The following EIF2S3 variants were observed in gnomAD, a reference collection of about 807,000 sequenced individuals.
The protein encoded by EIF2S3 is eukaryotic translation initiation factor 2 subunit gamma.
In EIF2S3, 2 loss-of-function variants were observed where a neutral mutation model predicts 31.7. The ratio of observed to expected loss-of-function variants is 0.06; its 90% CI spans 0.03 to 0.20. EIF2S3 has a LOEUF of 0.20. Ranked by LOEUF, EIF2S3 falls within the 10% of genes least tolerant of loss-of-function variation. The pLI is 1.00. For synonymous variants in EIF2S3, 120 were observed against 126.7 expected, an observed-to-expected ratio of 0.95 and a Z score of 0.36; for missense variants, 96 against 359.3, an observed-to-expected ratio of 0.27 and a Z score of 5.92.
intron 4 of EIF2S3, 129 bp from the exon 5 acceptor site, chrX:24,059,959 C>T (rs369512704): frequency 4.1e-6 from 2 of 482,293 alleles, no homozygotes; most frequent in Non-Finnish European, 6.9e-6. Flanking sequence ...GTTCTAGAAA[C>T]GACAAGCCCT....
intron 9 of EIF2S3, among the ~76,000 whole-genome samples, chrX:24,071,277 G>A (rs1358263599): frequency 9.3e-6 from 1 of 107,159 alleles, no homozygotes; most frequent in Admixed American, 1.0e-4. Flanking sequence ...TACAACCTCT[G>A]CCTCCTGGGT....
In EIF2S3 at chrX:24,073,033, C is replaced by A. The variant is rs889458446; in HGVS notation, c.1183-58C>A. The A allele has an allele frequency of 3.6e-6, 4 of 1,119,519 alleles. No individual in the cohort carries two copies. In the Admixed American group the frequency reaches 1.1e-4, roughly 30 times the overall value. The allele number at this position is 1,119,519 out of a possible 1,213,427, so 92.3% of individuals were successfully genotyped here. The stretch of plus-strand genomic sequence containing the variant: ...ATAGTATTTGGTAAATTCTTACTTA[C>A]ATTTGGAAAGCATTTTCTTGATTTT... On this transcript the variant is annotated intron_variant, in intron 10 of 11. Coordinates refer to ENST00000253039, the MANE Select transcript of EIF2S3 (RefSeq NM_001415.4).
Position 24,055,006 on chromosome X carries a change from C to T in EIF2S3, c.38C>T (p.Pro13Leu), listed in dbSNP as rs748080181. 2 of 1,211,043 alleles carry T rather than the reference C, an allele frequency of 1.7e-6. No homozygotes were observed. The highest frequency in any genetic ancestry group is 5.9e-5 in the East Asian group (2 of 33,815). ...GAAGCTGGAGTGACTCTAGGGCAGCCGCATCTTTCGCGTCAGGATCTCACC... is the reference window on the plus strand; with the variant it reads ...GAAGCTGGAGTGACTCTAGGGCAGCTGCATCTTTCGCGTCAGGATCTCACC... ...GGEAGVTLGQPHLSRQDLTTL... is the reference protein window; with the variant it reads ...GGEAGVTLGQLHLSRQDLTTL... The change falls in exon 1 of 12, where the codon CCG (proline) becomes CTG (leucine). Residue 13 changes from proline to leucine, a missense_variant. Physicochemically the swap from Pro to Leu is moderately conservative, Grantham distance 98. Around this residue, in one of 5 missense-constraint regions of EIF2S3, gnomAD observed 27 missense variants for 21.3 expected, o/e 1.27. Transcript: ENST00000253039.
rs746321081 is a variant in EIF2S3 at position 24,057,766 on chromosome X, T to G, written c.383+12T>G. 1 of 1,200,734 alleles carries G rather than the reference T, an allele frequency of 8.3e-7. No homozygotes were observed. On this transcript the variant is annotated intron_variant, in intron 4 of 11. Coordinates refer to ENST00000253039, the MANE Select transcript of EIF2S3 (RefSeq NM_001415.4). ...TTCAAATTAGTCAGGTGACCTCTCT[T>G]TTGCTACAAACACTACACTTTATAT...
chrX:24,058,753 G>A (rs989055638), intron 4 of EIF2S3, among the ~76,000 whole-genome samples: 6 of 108,231 alleles, frequency 5.5e-5, no homozygotes, highest in Admixed American at 3.0e-4. Context: ...TTTCTGTGTC[G>A]CCAGACTGGA....
intron 9 of EIF2S3, among the ~76,000 whole-genome samples, chrX:24,069,925 A>G (rs1055558642): frequency 1.8e-5 from 2 of 109,450 alleles, no homozygotes; most frequent in Admixed American, 2.0e-4. Context: ...TTCTGGTCTT[A>G]AGTGATCTGC....
intron 9 of EIF2S3, among the ~76,000 whole-genome samples, chrX:24,069,313 C>T (rs1034121477): frequency 1.0e-5 from 1 of 97,739 alleles, no homozygotes; most frequent in Admixed American, 1.2e-4. Context: ...ACCCAGAAGG[C>T]GGAGGGTGAG....
chrX:24,068,259 GT>G, intron 9 of EIF2S3, 151 bp downstream of exon 9: 1 of 519,713 alleles, frequency 1.9e-6, no homozygotes. Flanking sequence ...TTAAGCTCTT[GT>G]TTTAGGTTAT....
At chrX:24,061,292 C>T (rs1320183134) in intron 5 of EIF2S3, among the ~76,000 whole-genome samples, 3 of 103,665 alleles carry the variant, frequency 2.9e-5, no homozygotes, top group Non-Finnish European at 3.9e-5. Context: ...TGCGGTGGCT[C>T]ACACCTGTAA....
intron 3 of EIF2S3, 21 bp from the exon 4 acceptor site, chrX:24,057,612 C>CT: frequency 1.7e-6 from 2 of 1,209,448 alleles, no homozygotes; most frequent in Non-Finnish European, 2.2e-6. Flanking sequence ...AAATCAAAAT[C>CT]TTTTTTTATT....
At chrX:24,062,609 C>T in intron 6 of EIF2S3, 35 bp downstream of exon 6, 1 of 1,182,966 alleles carries the variant, frequency 8.5e-7, no homozygotes, top group Non-Finnish European at 1.1e-6. Context: ...ATCTATGAAT[C>T]ACTTTGAGAG....
chrX:24,059,414 TG>T (rs1036255363), intron 4 of EIF2S3, among the ~76,000 whole-genome samples: 6 of 108,749 alleles, frequency 5.5e-5, no homozygotes, highest in Middle Eastern at 4.7e-3. Flanking sequence ...TTTGGAAAAT[TG>T]TTTTTTTTTT....
chrX:24,070,960 A>G (rs1602047770), intron 9 of EIF2S3, among the ~76,000 whole-genome samples: 1 of 111,581 alleles, frequency 9.0e-6, no homozygotes, highest in Non-Finnish European at 1.9e-5. Context: ...TTAAGTTCTC[A>G]GCCAAGCCAT....
Position 24,066,101 on chromosome X carries a change from G to A in EIF2S3, c.867+9G>A, listed in dbSNP as rs778148836. The A allele has an allele frequency of 1.4e-5, 15 of 1,098,524 alleles. No individual in the cohort carries two copies. The highest frequency in any genetic ancestry group is 1.7e-5 in the Non-Finnish European group (14 of 831,104). 90.5% of individuals were successfully genotyped at this position (1,098,524 alleles called of 1,213,427 possible). ...TAAAAGGAGTATTAAAGGTAAAATG[G>A]GTTTTGGTTGTTGTGATTTTGGGTT... is the stretch of plus-strand genomic sequence containing the variant. On this transcript the variant is annotated intron_variant, in intron 8 of 11. Transcript: ENST00000253039.
intron 9 of EIF2S3, among the ~76,000 whole-genome samples, chrX:24,070,303 C>T (rs1930646834): frequency 9.3e-6 from 1 of 107,744 alleles, no homozygotes; most frequent in African/African-American, 3.4e-5. Context: ...GCCTGGGCGA[C>T]AGAGACTGTG....
chrX:24,067,436 T>A (rs887769617), intron 8 of EIF2S3, among the ~76,000 whole-genome samples: 1 of 110,136 alleles, frequency 9.1e-6, no homozygotes, highest in African/African-American at 3.3e-5. Flanking sequence ...AATAGACTTG[T>A]GTGGTGGGTA....
intron 11 of EIF2S3, among the ~76,000 whole-genome samples, chrX:24,074,422 ATGT>A (rs1398898728): frequency 2.7e-5 from 3 of 111,874 alleles, no homozygotes; most frequent in Non-Finnish European, 5.6e-5. Flanking sequence ...TGTAGTCAAG[ATGT>A]TGTCCAGCTT....
chrX:24,055,050 T>C lies in EIF2S3; in HGVS notation c.69+13T>C. ...TCTCACCACCTTGGTGAGGTTTTGCTTGGGGAGGATGCAGAGTGAGCTCAG... is the reference window on the plus strand; with the variant it reads ...TCTCACCACCTTGGTGAGGTTTTGCCTGGGGAGGATGCAGAGTGAGCTCAG... On this transcript the variant is annotated intron_variant, in intron 1 of 11. Coordinates refer to ENST00000253039, the MANE Select transcript of EIF2S3 (RefSeq NM_001415.4). 1.7e-6 allele frequency: 2 copies of C among 1,209,643 alleles called. No individual in the cohort carries two copies. Among genetic ancestry groups the C allele is most frequent in the Non-Finnish European group, 2.2e-6 (2 of 894,472 alleles).
chrX:24,060,948 CA>C (rs35873085), intron 5 of EIF2S3, among the ~76,000 whole-genome samples: 73 of 24,308 alleles, frequency 3.0e-3, no homozygotes, highest in African/African-American at 0.013. Context: ...AACTACATCT[CA>C]AAAAAAAAAA....
Sources: allele counts gnomAD v4.1 joint callset (sites outside exome capture counted in the v4.1 genomes callset), GRCh38; gene constraint gnomAD v4.1.1; regional missense constraint gnomAD v4.1.1; transcripts MANE v1.5; gene names NCBI Gene and HGNC (gene_info 2026-07-23, HGNC 2026-07-21).